SAV1: variants seen among roughly 807,000 people sequenced by gnomAD.
SAV1 encodes salvador family WW domain containing protein 1.
In SAV1, 23 loss-of-function variants were observed where a neutral mutation model predicts 47.3. The observed-to-expected ratio is 0.49, with a 90% CI of 0.35 to 0.69. The LOEUF is 0.69. Ranked by LOEUF, SAV1 falls within the 30% of genes least tolerant of loss-of-function variation. SAV1 has a pLI of 0.01. For missense variants in SAV1, 448 were observed against 457.4 expected (o/e 0.98, Z 0.19); for synonymous variants, 155 against 159.2 (o/e 0.97, Z 0.20).
intron 2 of SAV1, among the ~76,000 whole-genome samples, chr14:50,646,090 G>A (rs948502493): frequency 6.6e-6 from 1 of 152,104 alleles, no homozygotes; most frequent in Non-Finnish European, 1.5e-5. Flanking sequence ...ATCCATGGGG[G>A]ATCCATTCCA....
intron 2 of SAV1, among the ~76,000 whole-genome samples, chr14:50,647,711 A>G (rs2039734605): frequency 6.6e-6 from 1 of 152,220 alleles, no homozygotes; most frequent in Non-Finnish European, 1.5e-5. Flanking sequence ...TAGCCGTGAG[A>G]GAAATGCAAA....
rs937234113 is a variant in SAV1, at chr14:50,634,379, GCTCT to G, written c.*800_*803del. ...TTTTTATTTTTTGAGACAAGGTCTG[GCTCT>G]CTCTCTCTCAGGCTGCAGTGCAAGT... On this transcript the variant is annotated 3_prime_UTR_variant, in exon 5 of 5. Coordinates refer to ENST00000324679, the MANE Select transcript of SAV1 (RefSeq NM_021818.4). The G allele has an allele frequency of 1.2e-4, 34 of 292,322 alleles. No homozygotes were observed. In the East Asian group the frequency reaches 2.0e-3, roughly 17 times the overall value. The allele number at this position is 292,322 out of a possible 1,614,324, so 18.1% of individuals were successfully genotyped here. A position where few individuals can be genotyped will look rare whatever the true frequency, so the allele number is the denominator to read the frequency against.
At chr14:50,638,282 C>A (rs1034181999) in intron 4 of SAV1, among the ~76,000 whole-genome samples, 1 of 152,160 alleles carries the variant, frequency 6.6e-6, no homozygotes, top group Non-Finnish European at 1.5e-5. Flanking sequence ...ACAAGTTTAA[C>A]TTTTAGTCAT....
At chr14:50,650,888 C>T (rs576909382) in intron 2 of SAV1, among the ~76,000 whole-genome samples, 1 of 151,992 alleles carries the variant, frequency 6.6e-6, no homozygotes, top group Non-Finnish European at 1.5e-5. Context: ...CTGGGCGTGG[C>T]GGCACATGCC....
chr14:50,663,889 T>C (rs1408046042), intron 2 of SAV1, among the ~76,000 whole-genome samples: 1 of 152,212 alleles, frequency 6.6e-6, no homozygotes, highest in East Asian at 1.9e-4. Flanking sequence ...TTACATCTTA[T>C]TTCTTCAAAC....
rs1220122795 is a variant in SAV1, at chr14:50,652,753, G to C, written c.536-7739C>G. Among the ~76,000 whole-genome samples, 3 of 152,348 alleles carry C rather than the reference G, an allele frequency of 2.0e-5. No homozygotes were observed. In the East Asian group the frequency reaches 5.8e-4, roughly 29 times the overall value. On this transcript the variant is annotated intron_variant, in intron 2 of 4. Transcript: ENST00000324679. ...ACTTTTGAAATTGAAAAAAAAGGCT[G>C]GGCACAGTGGCTCACGCCTATAATC...
Position 50,665,285 on chromosome 14 carries a change from C to G in SAV1, c.429G>C (p.Gln143His). The G allele has an allele frequency of 2.5e-6, 4 of 1,613,860 alleles. No individual in the cohort carries two copies. The highest frequency in any genetic ancestry group is 3.4e-6 in the Non-Finnish European group (4 of 1,179,812). ...YYYSDNFFDG[Q>H]RKRPLGDRAH... ...CACGATCTCCAAGTGGCCGCTTTCT[C>G]TGACCATCAAAAAAATTGTCTGAAT... The change falls in exon 2 of 5, where the codon CAG becomes CAC. Residue 143 changes from glutamine to histidine, a missense_variant. By Grantham distance (24) the Gln-to-His change is conservative. Transcript: ENST00000324679.
At chr14:50,653,548 G>A (rs2039787690) in intron 2 of SAV1, among the ~76,000 whole-genome samples, 1 of 152,138 alleles carries the variant, frequency 6.6e-6, no homozygotes, top group Non-Finnish European at 1.5e-5. Context: ...CGAGTTACGT[G>A]AATTTGTTTG....
intron 2 of SAV1, among the ~76,000 whole-genome samples, chr14:50,654,971 G>A (rs191243652): frequency 3.8e-4 from 56 of 149,052 alleles, no homozygotes; most frequent in African/African-American, 1.3e-3. Context: ...ACCCTTGTTC[G>A]GTACCCTTTC....
At chr14:50,636,869 C>T (rs1019078346) in intron 4 of SAV1, among the ~76,000 whole-genome samples, 2 of 152,180 alleles carry the variant, frequency 1.3e-5, no homozygotes, top group Non-Finnish European at 2.9e-5. Flanking sequence ...TCAAATCATA[C>T]TGCAGAGCAG....
At chr14:50,659,664 C>A (rs2039842245) in intron 2 of SAV1, among the ~76,000 whole-genome samples, 2 of 152,080 alleles carry the variant, frequency 1.3e-5, no homozygotes, top group African/African-American at 4.8e-5. Flanking sequence ...CTGGGCAACA[C>A]TGAAATTCAG....
intron 2 of SAV1, among the ~76,000 whole-genome samples, chr14:50,650,769 C>T (rs1364438383): frequency 3.3e-5 from 5 of 152,174 alleles, no homozygotes; most frequent in African/African-American, 1.2e-4. Flanking sequence ...CACCTGTAAT[C>T]CCAGCACTTT....
At chr14:50,643,320 T>C (rs1351525267) in intron 3 of SAV1, among the ~76,000 whole-genome samples, 1 of 152,218 alleles carries the variant, frequency 6.6e-6, no homozygotes, top group African/African-American at 2.4e-5. Flanking sequence ...AGAGGTTTAA[T>C]TGACCCACAG....
intron 1 of SAV1, among the ~76,000 whole-genome samples, 175 bp from the exon 2 acceptor site, chr14:50,665,794 T>C (rs981558908): frequency 3.3e-5 from 5 of 152,230 alleles, no homozygotes; most frequent in African/African-American, 9.6e-5. Flanking sequence ...GGAAGATTAA[T>C]ATTTTCCCAA....
intron 2 of SAV1, 76 bp from the exon 3 acceptor site, chr14:50,645,090 CACA>C: frequency 3.9e-6 from 5 of 1,283,402 alleles, no homozygotes; most frequent in Non-Finnish European, 5.4e-6. Flanking sequence ...CTAGCAAAGT[CACA>C]ACATTAACTA....
At chr14:50,657,347 G>A (rs1416910482) in intron 2 of SAV1, among the ~76,000 whole-genome samples, 1 of 152,172 alleles carries the variant, frequency 6.6e-6, no homozygotes, top group African/African-American at 2.4e-5. Flanking sequence ...AGTTATGGAT[G>A]TGTATTCTAT....
chr14:50,649,407 TAGTA>T (rs1305947732), intron 2 of SAV1, among the ~76,000 whole-genome samples: 1 of 152,194 alleles, frequency 6.6e-6, no homozygotes, highest in Non-Finnish European at 1.5e-5. Context: ...ATAAAGCACA[TAGTA>T]AGTGTTAAAT....
intron 1 of SAV1, chr14:50,667,316 T>C (rs778861604): frequency 5.1e-5 from 20 of 393,520 alleles, no homozygotes; most frequent in Non-Finnish European, 1.0e-4. Flanking sequence ...TTTGGCTCTC[T>C]GCTCTGCTGT....
rs1478345671 is a variant in SAV1, at chr14:50,635,759, G to A, written c.951-375C>T. ...AGAGTCTTGCTATGTCACCAGGCTGGAGTGCAGTGGCGTGATCTCAGCTCA... is the reference window on the plus strand; with the variant it reads ...AGAGTCTTGCTATGTCACCAGGCTGAAGTGCAGTGGCGTGATCTCAGCTCA... On this transcript the variant is annotated intron_variant, in intron 4 of 4. Coordinates refer to ENST00000324679, the MANE Select transcript of SAV1 (RefSeq NM_021818.4). Among the ~76,000 whole-genome samples, 11 of 152,288 alleles carry A rather than the reference G, an allele frequency of 7.2e-5. No individual in the cohort carries two copies. The East Asian group carries it at 2.1e-3, about 29-fold the overall frequency.
Sources: allele counts gnomAD v4.1 joint callset (sites outside exome capture counted in the v4.1 genomes callset), GRCh38; gene constraint gnomAD v4.1.1; transcripts MANE v1.5; gene names NCBI Gene and HGNC (gene_info 2026-07-23, HGNC 2026-07-21).